The following TESK2 variants were observed in gnomAD, a reference collection of about 807,000 sequenced individuals.
TESK2 encodes the protein testis associated actin remodelling kinase 2.
Under a neutral mutation model 57.1 loss-of-function variants are expected in TESK2, and 39 were observed. The observed-to-expected ratio is 0.68, with a 90% CI of 0.53 to 0.89. The LOEUF is 0.89. TESK2 is among the 40% of genes least tolerant of loss of function. The pLI is 0.00. For synonymous variants in TESK2, 249 were observed against 267.9 expected (o/e 0.93, Z 0.69); for missense variants, 646 against 732.1 (o/e 0.88, Z 1.36).
chr1:45,431,106 T>C (rs1175762331), intron 2 of TESK2, among the ~76,000 whole-genome samples: 1 of 152,168 alleles, frequency 6.6e-6, no homozygotes, highest in Non-Finnish European at 1.5e-5. Flanking sequence ...GGAGAGTCTA[T>C]GTTACACAGT....
intron 4 of TESK2, among the ~76,000 whole-genome samples, chr1:45,371,740 C>T (rs539045430): frequency 1.5e-4 from 23 of 151,798 alleles, no homozygotes; most frequent in African/African-American, 3.6e-4. Flanking sequence ...TGGTGATGCA[C>T]GCCTGTAGTC....
At chr1:45,485,588 G>C (rs1363968484) in intron 1 of TESK2, among the ~76,000 whole-genome samples, 5 of 149,394 alleles carry the variant, frequency 3.3e-5, no homozygotes, top group Middle Eastern at 6.9e-3. Flanking sequence ...GCATGATCTC[G>C]GCTCACTGCA....
At chr1:45,486,152 A>G (rs1653468210) in intron 1 of TESK2, among the ~76,000 whole-genome samples, 1 of 152,244 alleles carries the variant, frequency 6.6e-6, no homozygotes, top group South Asian at 2.1e-4. Context: ...TCATCTCCAT[A>G]TGATGACTTT....
chr1:45,475,209 C>CTTTTTTTTTTTTT (rs375872140), intron 1 of TESK2, among the ~76,000 whole-genome samples: 10 of 113,160 alleles, frequency 8.8e-5, no homozygotes, highest in Non-Finnish European at 1.1e-4. Flanking sequence ...TTAGCCTGGC[C>CTTTTTTTTTTTTT]TTTTTTTTTT....
At chr1:45,469,716 T>C (rs1314130006) in intron 1 of TESK2, among the ~76,000 whole-genome samples, 1 of 152,186 alleles carries the variant, frequency 6.6e-6, no homozygotes, top group Non-Finnish European at 1.5e-5. Context: ...TCAATCACAT[T>C]CTACAGACAG....
intron 3 of TESK2, among the ~76,000 whole-genome samples, chr1:45,400,254 G>A (rs1333648048): frequency 6.6e-6 from 1 of 152,124 alleles, no homozygotes; most frequent in Non-Finnish European, 1.5e-5. Context: ...GACGGAAGGG[G>A]TCTATGAGCC....
intron 2 of TESK2, among the ~76,000 whole-genome samples, chr1:45,433,963 T>C (rs1003855429): frequency 2.0e-5 from 3 of 152,114 alleles, no homozygotes; most frequent in African/African-American, 7.2e-5. Context: ...TTTTGTTTGT[T>C]CATTTTTGGG....
intron 4 of TESK2, among the ~76,000 whole-genome samples, chr1:45,356,913 G>C (rs1203847662): frequency 6.6e-6 from 1 of 152,120 alleles, no homozygotes; most frequent in African/African-American, 2.4e-5. Context: ...CAGAAGGACG[G>C]CCGGGCGCAA....
intron 4 of TESK2, among the ~76,000 whole-genome samples, chr1:45,385,533 C>T (rs1238560849): frequency 1.3e-5 from 2 of 152,038 alleles, no homozygotes; most frequent in African/African-American, 2.4e-5. Flanking sequence ...GTGCTGTCAT[C>T]CCTTGGCTTA....
At chr1:45,426,231 C>G (rs1650683604) in intron 2 of TESK2, among the ~76,000 whole-genome samples, 1 of 152,116 alleles carries the variant, frequency 6.6e-6, no homozygotes, top group Non-Finnish European at 1.5e-5. Context: ...ACCAAAATAA[C>G]ATGGTATTGG....
chr1:45,348,372 C>T (rs1220376557), intron 5 of TESK2, among the ~76,000 whole-genome samples: 2 of 152,250 alleles, frequency 1.3e-5, no homozygotes, highest in Admixed American at 1.3e-4. Context: ...CCTGGCCTCC[C>T]TTCCTCCTTC....
intron 1 of TESK2, among the ~76,000 whole-genome samples, chr1:45,488,222 C>A (rs1429047855): frequency 6.6e-6 from 1 of 152,116 alleles, no homozygotes; most frequent in Non-Finnish European, 1.5e-5. Context: ...ACCTGGCCAA[C>A]AATTTTTTTT....
intron 4 of TESK2, among the ~76,000 whole-genome samples, chr1:45,373,914 A>T (rs1648304107): frequency 6.6e-6 from 1 of 152,208 alleles, no homozygotes; most frequent in South Asian, 2.1e-4. Flanking sequence ...AGGAGCCAAC[A>T]TAGAACCAAC....
intron 4 of TESK2, among the ~76,000 whole-genome samples, chr1:45,359,201 T>C (rs1419878393): frequency 2.0e-5 from 3 of 152,258 alleles, no homozygotes; most frequent in African/African-American, 7.2e-5. Flanking sequence ...TTTTCTCAAC[T>C]ATAAGTAGGT....
chr1:45,411,060 A>G (rs1272924926), intron 3 of TESK2, among the ~76,000 whole-genome samples: 1 of 152,176 alleles, frequency 6.6e-6, no homozygotes, highest in African/African-American at 2.4e-5. Flanking sequence ...GAGGGGAGAG[A>G]ATTCTGCTAA....
chr1:45,440,055 G>A (rs1293523512), intron 2 of TESK2, among the ~76,000 whole-genome samples: 6 of 151,746 alleles, frequency 4.0e-5, no homozygotes, highest in East Asian at 1.9e-4. Flanking sequence ...TGCCTCAAGC[G>A]ATTCCCATTC....
intron 3 of TESK2, among the ~76,000 whole-genome samples, chr1:45,389,964 C>T (rs1424296734): frequency 6.6e-6 from 1 of 152,164 alleles, no homozygotes; most frequent in African/African-American, 2.4e-5. Context: ...TTTCATAACC[C>T]TTCAATGGTT....
At chr1:45,409,567 T>G (rs1649963397) in intron 3 of TESK2, among the ~76,000 whole-genome samples, 1 of 152,186 alleles carries the variant, frequency 6.6e-6, no homozygotes, top group Admixed American at 6.5e-5. Flanking sequence ...CATAATCTGA[T>G]TTACCCTCTT....
Position 45,385,935 on chromosome 1 carries a change from C to T in TESK2, c.370G>A (p.Gly124Arg). 1 of 1,607,544 alleles carries T rather than the reference C, an allele frequency of 6.2e-7. No homozygotes were observed. The highest frequency in any genetic ancestry group is 8.5e-7 in the Non-Finnish European group (1 of 1,176,568). ...LRFMGVCVHQGQLHALTEYIN... is the reference protein window; with the variant it reads ...LRFMGVCVHQRQLHALTEYIN... ...ACCTCTGTAAGTGCATGCAATTGTC[C>T]TTGATGAACACATACACCCATGAAC... Residue 124 changes from glycine to arginine, a missense_variant, in exon 4 of 11, where the codon GGA becomes AGA. Coordinates refer to ENST00000372086, the MANE Select transcript of TESK2 (RefSeq NM_007170.3).
Sources: gnomAD v4.1 joint callset for allele counts (sites outside exome capture counted in the v4.1 genomes callset) on GRCh38, gnomAD v4.1.1 for gene constraint, MANE v1.5 for transcripts, NCBI Gene and HGNC (gene_info 2026-07-23, HGNC 2026-07-21) for gene names.